The following EXOC4 variants were observed in gnomAD, a reference collection of about 807,000 sequenced individuals.
EXOC4 encodes exocyst complex component 4.
In EXOC4, 71 loss-of-function variants were observed where a neutral mutation model predicts 107.2. The observed-to-expected ratio is 0.66, with a 90% confidence interval of 0.55 to 0.81. EXOC4 has a LOEUF of 0.81. Ranked by LOEUF, EXOC4 falls within the 30% of genes least tolerant of loss-of-function variation. The pLI, the probability that EXOC4 is intolerant of heterozygous loss-of-function variation, is 0.00. For missense variants in EXOC4, 1,108 were observed against 1,189.6 expected (o/e 0.93, Z 1.01); for synonymous variants, 456 against 441.2 (o/e 1.03, Z -0.42).
intron 4 of EXOC4, among the ~76,000 whole-genome samples, chr7:133,309,705 C>T (rs1794829045): frequency 1.3e-5 from 2 of 152,088 alleles, no homozygotes; most frequent in East Asian, 1.9e-4. Flanking sequence ...TTTGGGAAGC[C>T]GAGGTGGGAG....
rs33995948 is a variant in EXOC4, at chr7:134,064,575, C to CT, written c.*53dup. 188,365 of 1,295,328 alleles carry CT rather than the reference C, an allele frequency of 0.15. 16,459 individuals carry two copies. The highest frequency in any genetic ancestry group is 0.33 in the Admixed American group (16,012 of 48,254). 80.2% of individuals were successfully genotyped at this position (1,295,328 alleles called of 1,614,324 possible). On this transcript the variant is annotated 3_prime_UTR_variant, in exon 18 of 18. Transcript: ENST00000253861. ...ACGGGGGTCCCCTCAGTCACACTCA[C>CT]TTTTTTCCTTGGTATGTTATTGAGT...
intron 9 of EXOC4, among the ~76,000 whole-genome samples, chr7:133,508,126 G>A (rs1181896137): frequency 1.3e-5 from 2 of 151,890 alleles, no homozygotes; most frequent in East Asian, 3.9e-4. Flanking sequence ...TTTTATCCAT[G>A]ACTACAAAGG....
intron 7 of EXOC4, among the ~76,000 whole-genome samples, chr7:133,432,227 A>C (rs971799072): frequency 6.6e-6 from 1 of 152,138 alleles, no homozygotes; most frequent in Admixed American, 6.6e-5. Context: ...GGAAAAAAAA[A>C]CAAAACAGGC....
At chr7:133,731,823 T>A (rs1585108947) in intron 10 of EXOC4, among the ~76,000 whole-genome samples, 1 of 152,050 alleles carries the variant, frequency 6.6e-6, no homozygotes, top group Admixed American at 6.6e-5. Flanking sequence ...CAAAAAAAAA[T>A]TTAAACAAAT....
intron 1 of EXOC4, among the ~76,000 whole-genome samples, chr7:133,262,964 T>C (rs1434923255): frequency 1.3e-5 from 2 of 152,224 alleles, no homozygotes; most frequent in Non-Finnish European, 2.9e-5. Context: ...TTTCCTGTGC[T>C]GTTCTCATGA....
chr7:133,592,285 TGAATTCCTG>T (rs1228869484), intron 9 of EXOC4, among the ~76,000 whole-genome samples: 1 of 152,136 alleles, frequency 6.6e-6, no homozygotes, highest in African/African-American at 2.4e-5. Flanking sequence ...AGGCTGGTCT[TGAATTCCTG>T]GGCTCAAGCA....
intron 14 of EXOC4, among the ~76,000 whole-genome samples, chr7:133,972,477 C>A (rs1295356248): frequency 6.6e-6 from 1 of 152,156 alleles, no homozygotes; most frequent in African/African-American, 2.4e-5. Context: ...GAGTTCGTTA[C>A]TTATCTTCCT....
chr7:133,630,199 G>C (rs1802556649), intron 10 of EXOC4, 58 bp downstream of exon 10: 1 of 1,338,774 alleles, frequency 7.5e-7, no homozygotes, highest in South Asian at 1.2e-5. Context: ...ATTTATGCTG[G>C]TCTACTGAAT....
intron 9 of EXOC4, among the ~76,000 whole-genome samples, chr7:133,591,980 C>T (rs1184231102): frequency 6.6e-6 from 1 of 152,144 alleles, no homozygotes; most frequent in African/African-American, 2.4e-5. Flanking sequence ...AATTCACCTC[C>T]TGGGATTATT....
intron 5 of EXOC4, among the ~76,000 whole-genome samples, chr7:133,327,642 TG>T (rs1286034952): frequency 6.6e-6 from 1 of 152,208 alleles, no homozygotes; most frequent in Non-Finnish European, 1.5e-5. Flanking sequence ...ATTGTGTCTT[TG>T]TTCTCATTGG....
intron 9 of EXOC4, among the ~76,000 whole-genome samples, chr7:133,599,658 A>G (rs1433811466): frequency 6.6e-6 from 1 of 152,196 alleles, no homozygotes; most frequent in African/African-American, 2.4e-5. Context: ...CATTTCTGAG[A>G]TGATAAATGA....
At chr7:133,429,744 T>C (rs914045253) in intron 7 of EXOC4, among the ~76,000 whole-genome samples, 1 of 152,238 alleles carries the variant, frequency 6.6e-6, no homozygotes, top group Admixed American at 6.5e-5. Context: ...TTTAGCATAA[T>C]GTTTTCAAGG....
At chr7:134,026,690 T>G (rs984506766) in intron 17 of EXOC4, among the ~76,000 whole-genome samples, 6 of 152,228 alleles carry the variant, frequency 3.9e-5, no homozygotes, top group African/African-American at 1.4e-4. Context: ...AAAGATATTT[T>G]TATGGAAAGA....
rs781683386 is a variant in EXOC4 at position 133,817,491 on chromosome 7, C to T, written c.1681C>T (p.Leu561=). Reference sequence around the variant, plus strand: ...TAAAACATCTGACCCTTTGAAGATTCTGGCCAACGCAGACACCATGAAGGT... The same window carrying T: ...TAAAACATCTGACCCTTTGAAGATTTTGGCCAACGCAGACACCATGAAGGT... The part of the protein sequence containing the change: ...VTKTSDPLKI[L]ANADTMKVLG... Residue 561 remains leucine (L), a synonymous_variant, in exon 11 of 18, where the codon CTG becomes TTG. Transcript: ENST00000253861. 1.2e-6 allele frequency: 2 copies of T among 1,614,160 alleles called. No individual in the cohort carries two copies. The highest frequency in any genetic ancestry group is 1.1e-5 in the South Asian group (1 of 91,080).
At chr7:133,987,495 G>T (rs1794147194) in intron 14 of EXOC4, among the ~76,000 whole-genome samples, 1 of 152,142 alleles carries the variant, frequency 6.6e-6, no homozygotes, top group South Asian at 2.1e-4. Context: ...CGGGGAGGGA[G>T]AGAAGAAGGA....
chr7:133,620,008 GTT>G (rs1491448431), intron 9 of EXOC4, among the ~76,000 whole-genome samples: 1 of 148,440 alleles, frequency 6.7e-6, no homozygotes. Context: ...GTGTGTGTGT[GTT>G]TGTTTTTTTT....
chr7:133,398,068 C>A (rs1797011243), intron 7 of EXOC4, among the ~76,000 whole-genome samples: 1 of 152,088 alleles, frequency 6.6e-6, no homozygotes. Context: ...GCTTTGTCTG[C>A]TTTGCTTTGG....
chr7:133,737,424 G>C (rs1032718283), intron 10 of EXOC4, among the ~76,000 whole-genome samples: 1 of 151,112 alleles, frequency 6.6e-6, no homozygotes, highest in Non-Finnish European at 1.5e-5. Flanking sequence ...TTCTTTTCTA[G>C]TATAAATGTT....
chr7:133,590,737 C>T (rs1179133657), intron 9 of EXOC4, among the ~76,000 whole-genome samples: 2 of 152,188 alleles, frequency 1.3e-5, no homozygotes, highest in Non-Finnish European at 2.9e-5. Context: ...CTCTCCATCC[C>T]TCTGAGAGCC....
Sources: gnomAD v4.1 joint callset for allele counts (sites outside exome capture counted in the v4.1 genomes callset) on GRCh38, gnomAD v4.1.1 for gene constraint, MANE v1.5 for transcripts, NCBI Gene and HGNC (gene_info 2026-07-23, HGNC 2026-07-21) for gene names.